Variants in LOC128706666 observed in about 807,000 individuals in gnomAD.
At chr20:10,422,859 C>T in the LOC128706666 span, among the ~76,000 whole-genome samples, 2 of 151,692 alleles carry the variant, frequency 1.3e-5, no homozygotes, top group Non-Finnish European at 1.5e-5. Flanking sequence ...CTACAGGTGC[C>T]CGCCACCACA....
the LOC128706666 span, chr20:10,431,868 G>T: frequency 6.6e-6 from 1 of 152,380 alleles, no homozygotes; most frequent in East Asian, 1.9e-4. Context: ...TCTTAGTTCA[G>T]ATGTCACCTA....
chr20:10,429,957 A>G, the LOC128706666 span, among the ~76,000 whole-genome samples: 1 of 152,188 alleles, frequency 6.6e-6, no homozygotes. Context: ...CTGAAGCTAA[A>G]GTTTGAGACC....
At chr20:10,425,741 A>G in the LOC128706666 span, among the ~76,000 whole-genome samples, 1 of 152,240 alleles carries the variant, frequency 6.6e-6, no homozygotes, top group Admixed American at 6.5e-5. Flanking sequence ...AAAATAAGTT[A>G]GTGTTTGATG....
chr20:10,413,869 T>A, the LOC128706666 span: 1 of 434,034 alleles, frequency 2.3e-6, no homozygotes. Context: ...TTCTTTCTAA[T>A]CCAACTGGTA....
At chr20:10,420,053 G>T in the LOC128706666 span, among the ~76,000 whole-genome samples, 1 of 151,994 alleles carries the variant, frequency 6.6e-6, no homozygotes, top group African/African-American at 2.4e-5. Context: ...ATGGATAAGG[G>T]ACTATAGACC....
chr20:10,430,423 TTGTC>T, the LOC128706666 span, among the ~76,000 whole-genome samples: 72,388 of 151,608 alleles, frequency 0.48, 18,091 homozygotes, highest in Non-Finnish European at 0.56. Context: ...ACTTGGCACT[TTGTC>T]TGGGCTCAGT....
At chr20:10,417,242 T>C in the LOC128706666 span, among the ~76,000 whole-genome samples, 2 of 29,504 alleles carry the variant, frequency 6.8e-5, no homozygotes, top group African/African-American at 1.0e-4. Flanking sequence ...TGAGACTCCA[T>C]CTTAAAAAAA....
chr20:10,422,991 G>A, the LOC128706666 span, among the ~76,000 whole-genome samples: 2 of 152,116 alleles, frequency 1.3e-5, no homozygotes, highest in African/African-American at 4.8e-5. Context: ...GATTACAGGT[G>A]TGAGCCACTG....
chr20:10,425,362 C>T, the LOC128706666 span, among the ~76,000 whole-genome samples: 1 of 152,156 alleles, frequency 6.6e-6, no homozygotes, highest in African/African-American at 2.4e-5. Context: ...GCAAAATATG[C>T]TATGGCAATA....
chr20:10,426,512 A>T, the LOC128706666 span, among the ~76,000 whole-genome samples: 4 of 152,062 alleles, frequency 2.6e-5, no homozygotes, highest in African/African-American at 9.7e-5. Flanking sequence ...GGATTCTCGT[A>T]CCTCAGCCTC....
chr20:10,425,053 CA>C, the LOC128706666 span, among the ~76,000 whole-genome samples: 2,067 of 122,204 alleles, frequency 0.017, 66 homozygotes, highest in Admixed American at 0.094. Flanking sequence ...AACTCCGTCT[CA>C]AAAAAAAAAA....
chr20:10,423,707 A>C, the LOC128706666 span, among the ~76,000 whole-genome samples: 1 of 152,198 alleles, frequency 6.6e-6, no homozygotes, highest in Non-Finnish European at 1.5e-5. Flanking sequence ...AGAAATGCTC[A>C]ATTTTATGTA....
the LOC128706666 span, among the ~76,000 whole-genome samples, chr20:10,414,485 G>A: frequency 6.6e-6 from 1 of 151,948 alleles, no homozygotes; most frequent in Non-Finnish European, 1.5e-5. Context: ...GGTTGGTCTC[G>A]AACTCCTGAC....
the LOC128706666 span, among the ~76,000 whole-genome samples, chr20:10,433,900 G>A: frequency 1.6e-4 from 24 of 152,324 alleles, no homozygotes; most frequent in South Asian, 1.9e-3. Flanking sequence ...CGTGCCGACC[G>A]CAACATTTAC....
the LOC128706666 span, among the ~76,000 whole-genome samples, chr20:10,422,303 C>T: frequency 2.0e-5 from 3 of 152,124 alleles, no homozygotes; most frequent in East Asian, 5.8e-4. Context: ...CCTTTTCTAA[C>T]GTACTGTGGT....
At chr20:10,416,482 A>G in the LOC128706666 span, among the ~76,000 whole-genome samples, 12 of 152,160 alleles carry the variant, frequency 7.9e-5, no homozygotes, top group African/African-American at 2.7e-4. Flanking sequence ...TAGCATTAAA[A>G]AAAAACATGA....
At chr20:10,422,818 T>A in the LOC128706666 span, among the ~76,000 whole-genome samples, 1 of 151,766 alleles carries the variant, frequency 6.6e-6, no homozygotes, top group Non-Finnish European at 1.5e-5. Flanking sequence ...TTCACGCCAT[T>A]CTCCTGCCTC....
chr20:10,433,258 G>A, the LOC128706666 span, among the ~76,000 whole-genome samples: 34 of 152,234 alleles, frequency 2.2e-4, no homozygotes, highest in Non-Finnish European at 4.3e-4. Context: ...GCCCGCCTCG[G>A]GCTCCTAAAG....
the LOC128706666 span, among the ~76,000 whole-genome samples, chr20:10,427,485 G>T: frequency 8.5e-5 from 13 of 152,306 alleles, no homozygotes; most frequent in African/African-American, 1.9e-4. Flanking sequence ...TACTGGAATT[G>T]TACTATGCCT....
Sources: gnomAD v4.1 joint callset for allele counts (sites outside exome capture counted in the v4.1 genomes callset) on GRCh38, gnomAD v4.1.1 for gene constraint, MANE v1.5 for transcripts.